GFI1: variants seen among roughly 807,000 people sequenced by gnomAD.
GFI1 encodes the protein zinc finger protein Gfi-1.
A neutral mutation model predicts 39.2 loss-of-function variants in GFI1; 15 were observed. The ratio of observed to expected loss-of-function variants is 0.38; its 90% CI spans 0.26 to 0.59. GFI1 has a LOEUF of 0.59. Ranked by LOEUF, GFI1 falls within the 20% of genes least tolerant of loss-of-function variation. The pLI is 0.62. For missense variants in GFI1, 475 were observed against 574.0 expected (o/e 0.83, Z 1.76); for synonymous variants, 239 against 254.3 (o/e 0.94, Z 0.57).
chr1:92,480,589 CG>C lies in GFI1; in HGVS notation c.786+11del, dbSNP rs2101570394. 7 of 1,543,140 alleles carry C rather than the reference CG, an allele frequency of 4.5e-6. No homozygotes were observed. The South Asian group carries it at 7.1e-5, about 16-fold the overall frequency. On this transcript the variant is annotated intron_variant, in intron 4 of 6. Transcript: ENST00000294702. This position sits in a 1 kb window ranked among gnomAD's most constrained non-coding sequence, Gnocchi z 5.6. ...CGCACGGCAGGCGAGGTGGTGAGCT[CG>C]GGAGCCTCACCTTGCTGCACTTGAT...
chr1:92,474,007 A>G lies in GFI1; in HGVS notation c.*2022T>C, dbSNP rs1197357677. ...GGAAATGGGCAATCTGCTGGTTCTCACCATGGGGCATGCATACCCTGAATG... is the reference window on the plus strand; with the variant it reads ...GGAAATGGGCAATCTGCTGGTTCTCGCCATGGGGCATGCATACCCTGAATG... On this transcript the variant is annotated 3_prime_UTR_variant, in exon 7 of 7. Transcript: ENST00000294702. 6.6e-6 allele frequency among the ~76,000 whole-genome samples: 1 copy of G among 152,224 alleles called. No individual in the cohort carries two copies. Among genetic ancestry groups the G allele is most frequent in the Non-Finnish European group, 1.5e-5 (1 of 68,038 alleles).
chr1:92,483,695 C>T (rs1282913676), intron 1 of GFI1, 109 bp from the exon 2 acceptor site: 55 of 617,518 alleles, frequency 8.9e-5, no homozygotes, highest in Non-Finnish European at 3.0e-6. Flanking sequence ...CGCAGAGGGC[C>T]CACGGGAGGA....
intron 6 of GFI1, among the ~76,000 whole-genome samples, chr1:92,478,033 C>T (rs1415502630): frequency 2.0e-5 from 3 of 152,260 alleles, no homozygotes; most frequent in Non-Finnish European, 4.4e-5. Flanking sequence ...AAGGAGTAGT[C>T]GCTACCTCTC....
intron 5 of GFI1, among the ~76,000 whole-genome samples, chr1:92,479,819 C>T (rs1450717186): frequency 6.6e-6 from 1 of 151,866 alleles, no homozygotes; most frequent in Non-Finnish European, 1.5e-5. Context: ...TGCAACTGCC[C>T]TCCAGCCTGG....
At chr1:92,483,351 C>T in intron 2 of GFI1, 22 bp downstream of exon 2, 1 of 1,379,882 alleles carries the variant, frequency 7.2e-7, no homozygotes, top group South Asian at 1.2e-5. Flanking sequence ...GCAGCCCCGC[C>T]TGGCCCGCGC....
rs996593366 is a variant in GFI1 at position 92,484,114 on chromosome 1, G to A, written c.-99-528C>T. Among the ~76,000 whole-genome samples the A allele has an allele frequency of 3.3e-5, 5 of 152,226 alleles. No homozygotes were observed. Among genetic ancestry groups the A allele is most frequent in the African/African-American group, 9.6e-5 (4 of 41,456 alleles). ...ACCAACTGGAGTGAAAGGACCGGGG[G>A]GAGGGGGGAACAGAACACAAGATAA... On this transcript the variant is annotated intron_variant, in intron 1 of 6. Coordinates refer to ENST00000294702, the MANE Select transcript of GFI1 (RefSeq NM_005263.5). The surrounding 1 kb of genome is among the most constrained non-coding windows in gnomAD (Gnocchi z 4.1).
chr1:92,480,721 G>A lies in GFI1; in HGVS notation c.666C>T (p.Tyr222=), dbSNP rs771550817. ...ERPTAAAGLL[Y]PERGHGLHAD... Reference sequence around the variant, plus strand: ...CGTGCAGCCCGTGGCCACGCTCGGGGTACAGCAAGCCCGCCGCTGCCGTGG... The same window carrying A: ...CGTGCAGCCCGTGGCCACGCTCGGGATACAGCAAGCCCGCCGCTGCCGTGG... The change falls in exon 4 of 7, where the codon TAC becomes TAT. Residue 222 remains tyrosine, a synonymous_variant. Transcript: ENST00000294702. The surrounding 1 kb of genome is among the most constrained non-coding windows in gnomAD (Gnocchi z 5.6). 65 of 1,595,914 alleles carry A rather than the reference G, an allele frequency of 4.1e-5. No individual in the cohort carries two copies. The Middle Eastern group carries it at 7.2e-4, about 18-fold the overall frequency.
rs1658453408 is a variant in GFI1 at position 92,484,874 on chromosome 1, G to T, written c.-99-1288C>A. On this transcript the variant is annotated intron_variant, in intron 1 of 6. Transcript: ENST00000294702. This position sits in a 1 kb window ranked among gnomAD's most constrained non-coding sequence, Gnocchi z 4.1. Reference sequence around the variant, plus strand: ...TGGCCTCGGCTGGTTCAGAAACGAGGGTGCTGGGAACTCTGGGCCGGGGCA... The same window carrying T: ...TGGCCTCGGCTGGTTCAGAAACGAGTGTGCTGGGAACTCTGGGCCGGGGCA... Among the ~76,000 whole-genome samples the T allele has an allele frequency of 6.6e-6, 1 of 152,238 alleles. No individual in the cohort carries two copies. The highest frequency in any genetic ancestry group is 6.5e-5 in the Admixed American group (1 of 15,282).
rs758263613 is a variant in GFI1 at position 92,483,389 on chromosome 1, C to T, written c.99G>A (p.Pro33=). 1.9e-6 allele frequency: 3 copies of T among 1,607,008 alleles called. No individual in the cohort carries two copies. The highest frequency in any genetic ancestry group is 2.2e-5 in the East Asian group (1 of 44,832). Reference sequence around the variant, plus strand: ...GCCTCGCACCTGCTCGGCTAGGCGCCGGTACATTCTCTAAACGGAGGGAAT... The same window carrying T: ...GCCTCGCACCTGCTCGGCTAGGCGCTGGTACATTCTCTAAACGGAGGGAAT... ...PDYSLRLENV[P]APSRADSTSN... The change falls in exon 2 of 7, where the codon CCG becomes CCA. Residue 33 remains proline (P), a synonymous_variant. Coordinates refer to ENST00000294702, the MANE Select transcript of GFI1 (RefSeq NM_005263.5).
chr1:92,482,487 TGAG>T lies in GFI1; in HGVS notation c.298+374_298+376del, dbSNP rs1658305930. Among the ~76,000 whole-genome samples, 1 of 152,134 alleles carries T rather than the reference TGAG, an allele frequency of 6.6e-6. No homozygotes were observed. The highest frequency in any genetic ancestry group is 1.5e-5 in the Non-Finnish European group (1 of 68,020). On this transcript the variant is annotated intron_variant, in intron 3 of 6. Transcript: ENST00000294702. The surrounding 1 kb of genome is among the most constrained non-coding windows in gnomAD (Gnocchi z 4.4). Reference sequence around the variant, plus strand: ...GGCCCGTTCTGCCCTGTTCTCTGTTTGAGGTTTGGGGGTCTAGATTGCAGGATC... The same window carrying T: ...GGCCCGTTCTGCCCTGTTCTCTGTTTGTTTGGGGGTCTAGATTGCAGGATC...
rs200099018 is a variant in GFI1 at position 92,482,991 on chromosome 1, G to C, written c.171C>G (p.Pro57=). The change falls in exon 3 of 7, where the codon CCC becomes CCG. Residue 57 remains proline (P), a synonymous_variant. Coordinates refer to ENST00000294702, the MANE Select transcript of GFI1 (RefSeq NM_005263.5). This position sits in a 1 kb window ranked among gnomAD's most constrained non-coding sequence, Gnocchi z 4.4. ...AKAEPRDRLS[P]ESQLTEAPDR... ...CTGGGGCTTCGGTCAGCTGCGATTCGGGGGACAAACGGTCCCGGGGCTCCG... is the reference window on the plus strand; with the variant it reads ...CTGGGGCTTCGGTCAGCTGCGATTCCGGGGACAAACGGTCCCGGGGCTCCG... 6.2e-7 allele frequency: 1 copy of C among 1,610,704 alleles called. No individual in the cohort carries two copies. The highest frequency in any genetic ancestry group is 8.5e-7 in the Non-Finnish European group (1 of 1,178,102).
chr1:92,480,615 T>A lies in GFI1; in HGVS notation c.772A>T (p.Ile258Phe). The change falls in exon 4 of 7, where the codon ATC (isoleucine) becomes TTC (phenylalanine). Residue 258 changes from isoleucine (I) to phenylalanine (F), a missense_variant. Physicochemically the swap from Ile to Phe is conservative, Grantham distance 21. Around this residue, in one of 4 missense-constraint regions of GFI1, gnomAD observed 79 missense variants for 68.4 expected, o/e 1.15. Coordinates refer to ENST00000294702, the MANE Select transcript of GFI1 (RefSeq NM_005263.5). The surrounding 1 kb of genome is among the most constrained non-coding windows in gnomAD (Gnocchi z 5.6). ...LLLGGGSYKCIKCSKVFSTPH... is the reference protein window; with the variant it reads ...LLLGGGSYKCFKCSKVFSTPH... ...GGGAGCCTCACCTTGCTGCACTTGATGCACTTGTAGGAGCCGCCGCCCAGC... is the reference window on the plus strand; with the variant it reads ...GGGAGCCTCACCTTGCTGCACTTGAAGCACTTGTAGGAGCCGCCGCCCAGC... The A allele has an allele frequency of 6.4e-7, 1 of 1,564,812 alleles. No individual in the cohort carries two copies. The highest frequency in any genetic ancestry group is 8.6e-7 in the Non-Finnish European group (1 of 1,160,388).
intron 2 of GFI1, among the ~76,000 whole-genome samples, 153 bp from the exon 3 acceptor site, chr1:92,483,199 G>C (rs576734094): frequency 1.3e-5 from 2 of 152,308 alleles, no homozygotes; most frequent in Admixed American, 6.5e-5. Flanking sequence ...GAGGGCAGGC[G>C]CAGAGAGGCC....
chr1:92,475,688 A>G lies in GFI1; in HGVS notation c.*341T>C. ...AAACCTGAAGGGCATTCCTGTCTGT[A>G]GATTAGGGCTGGAAATGGGAAGGAC... On this transcript the variant is annotated 3_prime_UTR_variant, in exon 7 of 7. Transcript: ENST00000294702. The G allele has an allele frequency of 2.9e-6, 1 of 350,598 alleles. No individual in the cohort carries two copies. Among genetic ancestry groups the G allele is most frequent in the East Asian group, 6.7e-5 (1 of 14,876 alleles). 21.7% of individuals were successfully genotyped at this position (350,598 alleles called of 1,614,324 possible).
rs753626698 is a variant in GFI1 at position 92,483,334 on chromosome 1, C to T, written c.115+39G>A. 1.0e-5 allele frequency: 12 copies of T among 1,167,564 alleles called. No homozygotes were observed. In the Admixed American group the frequency reaches 1.7e-4, roughly 17 times the overall value. The allele number at this position is 1,167,564 out of a possible 1,614,324, so 72.3% of individuals were successfully genotyped here. On this transcript the variant is annotated intron_variant, in intron 2 of 6. Transcript: ENST00000294702. The stretch of plus-strand genomic sequence containing the variant: ...GGTGTGCCGAGGTGCAGTAGGCATC[C>T]GGGGGAGCAGCCCCGCCTGGCCCGC...
chr1:92,486,026 G>C (rs1471821374), intron 1 of GFI1: 1 of 152,284 alleles, frequency 6.6e-6, no homozygotes, highest in Admixed American at 6.5e-5. Flanking sequence ...GCGGAGTCAC[G>C]GCGCGGGCAC....
rs1014848241 is a variant in GFI1 at position 92,484,682 on chromosome 1, CTG to C, written c.-99-1098_-99-1097del. Reference sequence around the variant, plus strand: ...AGTTCACCTAATACCAGGTCGAAATCTGAGCGCAGCGGGAGGGCGTGGCTGCG... The same window carrying C: ...AGTTCACCTAATACCAGGTCGAAATCAGCGCAGCGGGAGGGCGTGGCTGCG... On this transcript the variant is annotated intron_variant, in intron 1 of 6. Coordinates refer to ENST00000294702, the MANE Select transcript of GFI1 (RefSeq NM_005263.5). This position sits in a 1 kb window ranked among gnomAD's most constrained non-coding sequence, Gnocchi z 4.1. The C allele has an allele frequency of 8.5e-5, 13 of 152,484 alleles. No individual in the cohort carries two copies. Among genetic ancestry groups the C allele is most frequent in the African/African-American group, 2.9e-4 (12 of 41,592 alleles). 9.4% of individuals were successfully genotyped at this position (152,484 alleles called of 1,614,324 possible).
chr1:92,485,578 G>A (rs1380072486), intron 1 of GFI1, among the ~76,000 whole-genome samples: 1 of 152,118 alleles, frequency 6.6e-6, no homozygotes, highest in African/African-American at 2.4e-5. Flanking sequence ...TAGGGGCCCC[G>A]GGGCCTGGGC....
In GFI1 at chr1:92,484,730, G is replaced by C. The variant is rs1013796538; in HGVS notation, c.-99-1144C>G. On this transcript the variant is annotated intron_variant, in intron 1 of 6. Transcript: ENST00000294702. This position sits in a 1 kb window ranked among gnomAD's most constrained non-coding sequence, Gnocchi z 4.1. ...CTGCGCCTGCCGCTAGGCTCCAGCC[G>C]GCTCCGGGGGCGGTACCCCACAGTC... 7.9e-5 allele frequency: 12 copies of C among 152,516 alleles called. No homozygotes were observed. The highest frequency in any genetic ancestry group is 5.9e-4 in the Admixed American group (9 of 15,286). 9.4% of individuals were successfully genotyped at this position (152,516 alleles called of 1,614,324 possible).
Sources: allele counts gnomAD v4.1 joint callset (sites outside exome capture counted in the v4.1 genomes callset), GRCh38; gene constraint gnomAD v4.1.1; regional missense constraint gnomAD v4.1.1; non-coding constraint Gnocchi (gnomAD v3.1); transcripts MANE v1.5; gene names NCBI Gene and HGNC (gene_info 2026-07-23, HGNC 2026-07-21).